Variants in SF3B6 observed in about 807,000 individuals in gnomAD.
SF3B6 encodes the protein splicing factor 3b subunit 6.
A neutral mutation model predicts 15.9 loss-of-function variants in SF3B6; 3 were observed. The observed-to-expected ratio is 0.19, with a 90% confidence interval of 0.09 to 0.49. The LOEUF is 0.49. Ranked by LOEUF, SF3B6 falls within the 20% of genes least tolerant of loss-of-function variation. The probability of loss-of-function intolerance (pLI) is 0.97; values close to 1 mark genes in which losing one functional copy is unlikely to be tolerated. For synonymous variants in SF3B6, 49 were observed against 51.1 expected (o/e 0.96, Z 0.18); for missense variants, 71 against 154.3 (o/e 0.46, Z 2.86).
Position 24,068,375 on chromosome 2 carries a change from C to G in SF3B6, c.234G>C (p.Ser78=). 6.2e-7 allele frequency: 1 copy of G among 1,614,098 alleles called. No homozygotes were observed. Among genetic ancestry groups the G allele is most frequent in the Admixed American group, 1.7e-5 (1 of 59,996 alleles). ...FDAKNACDHL[S]GFNVCNRYLV... ...GGTATCTGTTACAAACATTGAATCC[C>G]GATAGGTGATCACATGCATTCTTGG... is the stretch of plus-strand genomic sequence containing the variant. The change falls in exon 3 of 4, where the codon TCG becomes TCC. Residue 78 remains serine, a synonymous_variant. Coordinates refer to ENST00000233468, the MANE Select transcript of SF3B6 (RefSeq NM_016047.4).
Position 24,076,204 on chromosome 2 carries a change from G to C in SF3B6, c.26C>G (p.Ala9Gly). Reference protein sequence around the residue: MAMQAAKRANIRLPPEVNR... With the variant: MAMQAAKRGNIRLPPEVNR... ...CGCAGAACACCCGATACTCACGTTC[G>C]CCCTCTTGGCCGCTTGCATCGCCAT... Residue 9 changes from alanine (A) to glycine (G), a missense_variant, in exon 1 of 4, where the codon GCG becomes GGG. By Grantham distance (60) the Ala-to-Gly change is moderately conservative. Transcript: ENST00000233468. The C allele has an allele frequency of 6.2e-7, 1 of 1,614,160 alleles. No homozygotes were observed. The highest frequency in any genetic ancestry group is 8.5e-7 in the Non-Finnish European group (1 of 1,180,008).
In SF3B6 at chr2:24,076,277, G is replaced by C; in HGVS notation, c.-48C>G. Reference sequence around the variant, plus strand: ...CGTAGCAGATACTGAAATTCCTCCGGAGCTCGCTCGGCTTCGGGGGTTACA... The same window carrying C: ...CGTAGCAGATACTGAAATTCCTCCGCAGCTCGCTCGGCTTCGGGGGTTACA... On this transcript the variant is annotated 5_prime_UTR_variant, in exon 1 of 4. Transcript: ENST00000233468. The C allele has an allele frequency of 1.9e-6, 3 of 1,612,342 alleles. No homozygotes were observed. Among genetic ancestry groups the C allele is most frequent in the African/African-American group, 2.7e-5 (2 of 74,992 alleles).
At chr2:24,070,674 T>C (rs1469784659) in intron 2 of SF3B6, among the ~76,000 whole-genome samples, 1 of 152,220 alleles carries the variant, frequency 6.6e-6, no homozygotes, top group East Asian at 1.9e-4. Context: ...GTCCAGGTTT[T>C]AGCACTGAAA....
In SF3B6 at chr2:24,068,466, A is replaced by C. The variant is rs200320865; in HGVS notation, c.150-7T>G. 6.2e-7 allele frequency: 1 copy of C among 1,601,268 alleles called. No individual in the cohort carries two copies. Among genetic ancestry groups the C allele is most frequent in the African/African-American group, 1.3e-5 (1 of 74,556 alleles). ...AGTTTCAGGTGTGTTCCCCCTGGAG[A>C]GGTAAGTTAAACTTAATTAAGATAT... On this transcript the variant is annotated splice_polypyrimidine_tract_variant and splice_region_variant and intron_variant, in intron 2 of 3. Transcript: ENST00000233468.
intron 3 of SF3B6, 144 bp from the exon 4 acceptor site, chr2:24,067,995 C>G (rs1664587418): frequency 1.3e-6 from 1 of 753,062 alleles, no homozygotes; most frequent in African/African-American, 1.7e-5. Flanking sequence ...GACGGAGTCT[C>G]TCTGTTGCCC....
At chr2:24,074,328 T>C in intron 1 of SF3B6, 134 bp from the exon 2 acceptor site, 1 of 567,440 alleles carries the variant, frequency 1.8e-6, no homozygotes, top group Non-Finnish European at 3.1e-6. Flanking sequence ...GAATAAGAGG[T>C]ATAATTTGAT....
At chr2:24,075,461 T>C (rs1273757528) in intron 1 of SF3B6, among the ~76,000 whole-genome samples, 5 of 150,654 alleles carry the variant, frequency 3.3e-5, no homozygotes, top group African/African-American at 1.2e-4. Context: ...ATTCCTGGGC[T>C]CAAGCAATCC....
At chr2:24,068,259 G>A (rs925989251) in intron 3 of SF3B6, 62 bp downstream of exon 3, 25 of 1,508,230 alleles carry the variant, frequency 1.7e-5, no homozygotes, top group Admixed American at 6.0e-5. Context: ...CACCGCGCCC[G>A]GCCAGTTCTA....
chr2:24,068,511 T>C, intron 2 of SF3B6, 52 bp from the exon 3 acceptor site: 2 of 1,498,106 alleles, frequency 1.3e-6, no homozygotes, highest in Non-Finnish European at 9.0e-7. Context: ...TGAGCATTGA[T>C]AGTTGACTTA....
intron 2 of SF3B6, among the ~76,000 whole-genome samples, chr2:24,069,739 G>C (rs940330755): frequency 8.5e-5 from 13 of 152,176 alleles, no homozygotes; most frequent in African/African-American, 3.1e-4. Flanking sequence ...TAGGGTACTG[G>C]GGGTGATTGG....
chr2:24,073,185 C>G (rs1328347644), intron 2 of SF3B6, among the ~76,000 whole-genome samples: 19 of 152,160 alleles, frequency 1.2e-4, no homozygotes, highest in Non-Finnish European at 1.5e-5. Context: ...AAGGAGCTCT[C>G]AAGTCATACA....
chr2:24,070,809 A>G lies in SF3B6; in HGVS notation c.150-2350T>C, dbSNP rs1011107584. ...TGGAACAGAAAAACAGCTGTTTCTC[A>G]ATCTATAATTTAGACCTAAGCTCCT... On this transcript the variant is annotated intron_variant, in intron 2 of 3. Transcript: ENST00000233468. Among the ~76,000 whole-genome samples the G allele has an allele frequency of 6.6e-5, 10 of 152,312 alleles. No homozygotes were observed. The South Asian group carries it at 2.1e-3, about 32-fold the overall frequency.
intron 1 of SF3B6, among the ~76,000 whole-genome samples, chr2:24,075,419 A>G (rs1033201092): frequency 5.7e-5 from 8 of 140,708 alleles, no homozygotes; most frequent in Non-Finnish European, 1.1e-4. Context: ...AGTGCTGCGC[A>G]GTGGCACAAT....
At chr2:24,072,972 T>C (rs1037862573) in intron 2 of SF3B6, among the ~76,000 whole-genome samples, 1 of 152,240 alleles carries the variant, frequency 6.6e-6, no homozygotes, top group African/African-American at 2.4e-5. Context: ...ATGAGTGTAT[T>C]CTTCTGTGGA....
In SF3B6 at chr2:24,071,835, C is replaced by A. The variant is rs375163499; in HGVS notation, c.149+2241G>T. On this transcript the variant is annotated intron_variant, in intron 2 of 3. Transcript: ENST00000233468. ...GCTGCTCTGCACTCTTCTGAAGATG[C>A]CCCTGCTTTATTCCCTGTCCTTTCA... Among the ~76,000 whole-genome samples, 166 of 152,282 alleles carry A rather than the reference C, an allele frequency of 1.1e-3. 4 individuals carry two copies. The South Asian group carries it at 0.033, about 31-fold the overall frequency.
chr2:24,075,963 ACACTAT>A (rs1664738026), intron 1 of SF3B6, among the ~76,000 whole-genome samples: 1 of 152,000 alleles, frequency 6.6e-6, no homozygotes, highest in African/African-American at 2.4e-5. Flanking sequence ...TATAGGGGTA[ACACTAT>A]CACTGACACT....
chr2:24,068,834 GTTTTGTTTTTGT>G (rs900179732), intron 2 of SF3B6, among the ~76,000 whole-genome samples: 7 of 152,012 alleles, frequency 4.6e-5, no homozygotes, highest in African/African-American at 1.2e-4. Flanking sequence ...TCTTTGTTTT[GTTTTGTTTTTGT>G]TTTTGTTTTT....
intron 2 of SF3B6, among the ~76,000 whole-genome samples, chr2:24,072,936 C>T (rs1433704269): frequency 6.6e-6 from 1 of 152,202 alleles, no homozygotes; most frequent in African/African-American, 2.4e-5. Context: ...ACCTAGAGTC[C>T]ATGTATCCCC....
intron 3 of SF3B6, among the ~76,000 whole-genome samples, chr2:24,068,065 G>A (rs985967571): frequency 7.2e-5 from 11 of 152,262 alleles, no homozygotes; most frequent in Middle Eastern, 3.4e-3. Flanking sequence ...TGGGGTTCAC[G>A]CCATTCTCCT....
Sources: gnomAD v4.1 joint callset for allele counts (sites outside exome capture counted in the v4.1 genomes callset) on GRCh38, gnomAD v4.1.1 for gene constraint, MANE v1.5 for transcripts, NCBI Gene and HGNC (gene_info 2026-07-23, HGNC 2026-07-21) for gene names.